Variants in CLDN10 observed in about 807,000 individuals in gnomAD.
The protein encoded by CLDN10 is claudin 10.
Under a neutral mutation model 22.9 loss-of-function variants are expected in CLDN10, and 15 were observed. The ratio of observed to expected loss-of-function variants is 0.65; its 90% CI spans 0.44 to 1.01. The LOEUF (loss-of-function observed/expected upper bound fraction) is 1.01, where lower values mean the gene tolerates loss of function less well. Among genes scored for constraint, CLDN10 ranks in the 50% least tolerant of loss-of-function variants. CLDN10 has a pLI of 0.00. For synonymous variants in CLDN10, 114 were observed against 111.4 expected, an observed-to-expected ratio of 1.02 and a Z score of -0.15; for missense variants, 247 against 287.8, an observed-to-expected ratio of 0.86 and a Z score of 1.03.
At chr13:95,563,087 G>T (rs1594615308) in intron 3 of CLDN10, among the ~76,000 whole-genome samples, 1 of 118,530 alleles carries the variant, frequency 8.4e-6, no homozygotes, top group Non-Finnish European at 1.9e-5. Flanking sequence ...TTCTGTCTCT[G>T]CCTACCCACT....
At chr13:95,556,706 T>G (rs1212262763) in intron 1 of CLDN10, among the ~76,000 whole-genome samples, 1 of 152,142 alleles carries the variant, frequency 6.6e-6, no homozygotes, top group African/African-American at 2.4e-5. Context: ...GTTCCTGCCC[T>G]CCCCATACCA....
At chr13:95,522,141 T>C (rs564755483) in intron 1 of CLDN10, among the ~76,000 whole-genome samples, 26 of 152,198 alleles carry the variant, frequency 1.7e-4, no homozygotes, top group African/African-American at 6.0e-4. Flanking sequence ...CTCTGTTTCC[T>C]GTTTCATGAA....
chr13:95,459,686 G>A (rs1334496680), intron 1 of CLDN10, among the ~76,000 whole-genome samples: 1 of 152,168 alleles, frequency 6.6e-6, no homozygotes, highest in Non-Finnish European at 1.5e-5. Context: ...GTGATGGAAG[G>A]GGCAGCCATG....
chr13:95,518,878 C>T (rs1309187430), intron 1 of CLDN10, among the ~76,000 whole-genome samples: 5 of 152,264 alleles, frequency 3.3e-5, no homozygotes, highest in East Asian at 1.9e-4. Context: ...ATGTGATCAG[C>T]GCTATAGAAT....
chr13:95,568,605 C>A (rs979302281), intron 3 of CLDN10, among the ~76,000 whole-genome samples: 2 of 152,106 alleles, frequency 1.3e-5, no homozygotes, highest in Admixed American at 6.6e-5. Flanking sequence ...CTCGTGCTTC[C>A]ATCCTAACCC....
intron 1 of CLDN10, among the ~76,000 whole-genome samples, chr13:95,512,902 G>A (rs961458447): frequency 6.6e-6 from 1 of 152,072 alleles, no homozygotes; most frequent in African/African-American, 2.4e-5. Context: ...TTGAGACAGG[G>A]TCTCTCTCTG....
chr13:95,494,381 A>T (rs942065087), intron 1 of CLDN10, among the ~76,000 whole-genome samples: 1 of 152,254 alleles, frequency 6.6e-6, no homozygotes. Flanking sequence ...ATACAAACAC[A>T]GAAATTGAAA....
chr13:95,459,709 A>T (rs563767749), intron 1 of CLDN10, among the ~76,000 whole-genome samples: 1 of 152,174 alleles, frequency 6.6e-6, no homozygotes, highest in African/African-American at 2.4e-5. Flanking sequence ...GACCTCTGAC[A>T]TGCCCTGGAG....
chr13:95,459,258 C>G (rs1462917514), intron 1 of CLDN10, among the ~76,000 whole-genome samples: 1 of 152,164 alleles, frequency 6.6e-6, no homozygotes, highest in East Asian at 1.9e-4. Context: ...ATTATGGGGT[C>G]TGGAGGACAG....
intron 1 of CLDN10, among the ~76,000 whole-genome samples, chr13:95,483,236 G>A (rs2042768732): frequency 6.6e-6 from 1 of 152,190 alleles, no homozygotes; most frequent in African/African-American, 2.4e-5. Context: ...CTTTCTCCTC[G>A]TTCAGACTGT....
intron 1 of CLDN10, among the ~76,000 whole-genome samples, chr13:95,489,388 G>T (rs955513314): frequency 4.7e-5 from 7 of 149,812 alleles, no homozygotes; most frequent in South Asian, 2.1e-4. Context: ...ACGTCTACTG[G>T]TTTTTTTTTT....
chr13:95,496,189 G>A (rs576586142), intron 1 of CLDN10, among the ~76,000 whole-genome samples: 1 of 152,042 alleles, frequency 6.6e-6, no homozygotes, highest in South Asian at 2.1e-4. Flanking sequence ...TGGCTTCATT[G>A]GGCAGTTCAT....
chr13:95,438,121 A>G (rs2042289304), intron 1 of CLDN10, among the ~76,000 whole-genome samples: 1 of 152,202 alleles, frequency 6.6e-6, no homozygotes, highest in South Asian at 2.1e-4. Context: ...TGGCACGATC[A>G]TGGCTCACTT....
chr13:95,543,941 C>T (rs1383454560), intron 1 of CLDN10, among the ~76,000 whole-genome samples: 1 of 152,030 alleles, frequency 6.6e-6, no homozygotes, highest in African/African-American at 2.4e-5. Context: ...ATATGACATT[C>T]CTTCTTCATG....
rs1566349088 is a variant in CLDN10, at chr13:95,578,146, T to C, written c.*132T>C. 2 of 582,314 alleles carry C rather than the reference T, an allele frequency of 3.4e-6. No homozygotes were observed. The highest frequency in any genetic ancestry group is 6.1e-6 in the Non-Finnish European group (2 of 325,330). The allele number at this position is 582,314 out of a possible 1,614,324, so 36.1% of individuals were successfully genotyped here. The stretch of plus-strand genomic sequence containing the variant: ...AATATGCATTTGAAGCATCTGTTGA[T>C]TGTATGGATGTAAGTGTTCTTACAT... On this transcript the variant is annotated 3_prime_UTR_variant, in exon 5 of 5. Coordinates refer to ENST00000299339, the MANE Select transcript of CLDN10 (RefSeq NM_006984.5).
intron 1 of CLDN10, among the ~76,000 whole-genome samples, chr13:95,450,230 A>G (rs2042420836): frequency 6.6e-6 from 1 of 152,176 alleles, no homozygotes; most frequent in South Asian, 2.1e-4. Flanking sequence ...TCTTCCTTAT[A>G]TGAAAGTTAA....
At chr13:95,544,856 A>T (rs1392151957) in intron 1 of CLDN10, among the ~76,000 whole-genome samples, 1 of 151,474 alleles carries the variant, frequency 6.6e-6, no homozygotes, top group Non-Finnish European at 1.5e-5. Flanking sequence ...AGCTCACTGC[A>T]ACCTCCATCT....
At chr13:95,490,033 T>C (rs2138513956) in intron 1 of CLDN10, among the ~76,000 whole-genome samples, 1 of 152,314 alleles carries the variant, frequency 6.6e-6, no homozygotes, top group South Asian at 2.1e-4. Context: ...GCTGTAAGTA[T>C]TTGGGTTTAT....
chr13:95,505,226 G>A (rs73545043), intron 1 of CLDN10, among the ~76,000 whole-genome samples: 14,313 of 152,148 alleles, frequency 0.094, 745 homozygotes, highest in African/African-American at 0.13. Flanking sequence ...GGTTCTGAGC[G>A]TCCACAGGGA....
Sources: allele counts gnomAD v4.1 joint callset (sites outside exome capture counted in the v4.1 genomes callset), GRCh38; gene constraint gnomAD v4.1.1; transcripts MANE v1.5; gene names NCBI Gene and HGNC (gene_info 2026-07-23, HGNC 2026-07-21).